The following NRG1 variants were observed in gnomAD, a reference collection of about 807,000 sequenced individuals.
NRG1 encodes neuregulin 1.
In NRG1, 18 loss-of-function variants were observed where a neutral mutation model predicts 63.8. The ratio of observed to expected loss-of-function variants is 0.28; its 90% confidence interval spans 0.19 to 0.42. The LOEUF (loss-of-function observed/expected upper bound fraction) is 0.42. Among genes scored for constraint, NRG1 ranks in the 10% least tolerant of loss-of-function variants. The pLI, the probability that NRG1 is intolerant of heterozygous loss-of-function variation, is 1.00. For synonymous variants in NRG1, 302 were observed against 301.3 expected (o/e 1.00, Z -0.02); for missense variants, 762 against 814.7 (o/e 0.94, Z 0.79).
At chr8:31,985,119 C>G (rs906055701) in intron 1 of NRG1, among the ~76,000 whole-genome samples, 39 of 152,004 alleles carry the variant, frequency 2.6e-4, no homozygotes, top group African/African-American at 8.9e-4. Context: ...TTTATAAAAG[C>G]AAACTGTGAG....
At chr8:32,299,600 C>T (rs571209289) in intron 1 of NRG1, among the ~76,000 whole-genome samples, 1 of 152,204 alleles carries the variant, frequency 6.6e-6, no homozygotes, top group Admixed American at 6.5e-5. Flanking sequence ...TGAAGACATA[C>T]CCAAGACTGG....
intron 1 of NRG1, among the ~76,000 whole-genome samples, chr8:31,707,019 T>G (rs1811218323): frequency 6.6e-6 from 1 of 152,058 alleles, no homozygotes; most frequent in Non-Finnish European, 1.5e-5. Flanking sequence ...ATTTTTGTTT[T>G]TTTGTTTGTT....
chr8:32,681,406 T>G (rs1808581880), intron 5 of NRG1, among the ~76,000 whole-genome samples: 2 of 152,122 alleles, frequency 1.3e-5, no homozygotes, highest in African/African-American at 4.8e-5. Context: ...GAGGCAGAAA[T>G]TCATTATTCT....
chr8:32,556,788 A>C (rs564056688), intron 1 of NRG1, among the ~76,000 whole-genome samples: 22 of 152,322 alleles, frequency 1.4e-4, no homozygotes, highest in Middle Eastern at 3.4e-3. Flanking sequence ...TTTGTTGCAT[A>C]TAATCTCCCA....
intron 1 of NRG1, among the ~76,000 whole-genome samples, chr8:31,850,368 T>C (rs1362584404): frequency 1.3e-5 from 2 of 152,128 alleles, no homozygotes; most frequent in Non-Finnish European, 2.9e-5. Context: ...CCCTACTCCT[T>C]GGTCAGAGCA....
chr8:32,232,052 C>T (rs189487631), intron 1 of NRG1, among the ~76,000 whole-genome samples: 130 of 152,038 alleles, frequency 8.6e-4, no homozygotes, highest in Middle Eastern at 3.4e-3. Context: ...TACAGATGCA[C>T]ATCACCATGC....
At chr8:31,966,853 G>T (rs915277081) in intron 1 of NRG1, among the ~76,000 whole-genome samples, 7 of 151,810 alleles carry the variant, frequency 4.6e-5, no homozygotes, top group African/African-American at 1.2e-4. Context: ...ATTCTCAGTG[G>T]TTTTTTTTAT....
At chr8:32,461,818 C>T (rs980997326) in intron 1 of NRG1, among the ~76,000 whole-genome samples, 2 of 152,158 alleles carry the variant, frequency 1.3e-5, no homozygotes, top group African/African-American at 4.8e-5. Flanking sequence ...GTAAAATTAC[C>T]TATTCTTCTA....
At chr8:31,707,529 A>C (rs1477821182) in intron 1 of NRG1, among the ~76,000 whole-genome samples, 2 of 152,040 alleles carry the variant, frequency 1.3e-5, no homozygotes, top group Non-Finnish European at 2.9e-5. Context: ...TTATTCAAAC[A>C]GCTGGTGTTT....
chr8:32,737,791 C>T (rs1179312195), intron 6 of NRG1, among the ~76,000 whole-genome samples: 28 of 151,546 alleles, frequency 1.8e-4, no homozygotes, highest in Non-Finnish European at 4.4e-5. Flanking sequence ...ATTCTCCTGC[C>T]TCAGCCTCCC....
intron 1 of NRG1, among the ~76,000 whole-genome samples, chr8:31,943,855 C>G (rs1345143918): frequency 6.6e-6 from 1 of 152,212 alleles, no homozygotes; most frequent in African/African-American, 2.4e-5. Context: ...TCCCCAACAA[C>G]AAGTTCGCAT....
intron 1 of NRG1, among the ~76,000 whole-genome samples, chr8:31,658,693 C>T (rs539393756): frequency 1.3e-5 from 2 of 152,160 alleles, no homozygotes; most frequent in Admixed American, 6.5e-5. Context: ...GAATTCCTAA[C>T]CTCAAGTAAT....
chr8:32,718,390 T>G (rs1819781317), intron 5 of NRG1, among the ~76,000 whole-genome samples: 1 of 152,176 alleles, frequency 6.6e-6, no homozygotes, highest in Admixed American at 6.5e-5. Flanking sequence ...TTTTCCATCA[T>G]TTTCTTGCAA....
chr8:32,595,957 T>C (rs548188155), exon 2 of NRG1: 1 of 1,613,542 alleles, frequency 6.2e-7, no homozygotes, highest in South Asian at 1.1e-5. Flanking sequence ...GGGAATGAAT[T>C]GAATCGAAAA....
intron 1 of NRG1, among the ~76,000 whole-genome samples, chr8:31,644,666 C>T (rs768570658): frequency 1.3e-5 from 2 of 152,066 alleles, no homozygotes; most frequent in Non-Finnish European, 2.9e-5. Context: ...CAAATATAAT[C>T]TATTCATTCT....
chr8:32,127,515 G>A (rs938994303), intron 1 of NRG1, among the ~76,000 whole-genome samples: 6 of 142,630 alleles, frequency 4.2e-5, no homozygotes, highest in African/African-American at 1.6e-4. Flanking sequence ...GGTGGAATGT[G>A]TGTGTATCTG....
intron 1 of NRG1, among the ~76,000 whole-genome samples, chr8:31,818,960 G>A (rs1400574970): frequency 1.3e-5 from 2 of 152,090 alleles, no homozygotes; most frequent in Non-Finnish European, 2.9e-5. Flanking sequence ...AGGCTGAGGC[G>A]AGAGAATCAC....
intron 1 of NRG1, among the ~76,000 whole-genome samples, chr8:32,297,705 G>T (rs1271048010): frequency 6.6e-6 from 1 of 151,300 alleles, no homozygotes; most frequent in Non-Finnish European, 1.5e-5. Flanking sequence ...TTCTTTTATG[G>T]CTAACAAGCC....
chr8:31,995,549 T>C (rs1811830021), intron 1 of NRG1, among the ~76,000 whole-genome samples: 1 of 152,000 alleles, frequency 6.6e-6, no homozygotes, highest in Admixed American at 6.6e-5. Flanking sequence ...CTTCACTTAC[T>C]TTATAGGCAG....
Sources: gnomAD v4.1 joint callset for allele counts (sites outside exome capture counted in the v4.1 genomes callset) on GRCh38, gnomAD v4.1.1 for gene constraint, MANE v1.5 for transcripts, NCBI Gene and HGNC (gene_info 2026-07-23, HGNC 2026-07-21) for gene names.